The following FCSK variants were observed in gnomAD, a reference collection of about 807,000 sequenced individuals.
FCSK encodes fucose kinase.
In FCSK, 123 loss-of-function variants were observed where a neutral mutation model predicts 122.5. The observed-to-expected ratio is 1.00, with a 90% CI of 0.87 to 1.17. The LOEUF (loss-of-function observed/expected upper bound fraction) is 1.17. Ranked by LOEUF, FCSK falls within the 50% of genes most tolerant of loss-of-function variation. The probability of loss-of-function intolerance (pLI) is 0.00; values close to 1 mark genes in which losing one functional copy is unlikely to be tolerated. For missense variants in FCSK, 1,366 were observed against 1,450.4 expected, an observed-to-expected ratio of 0.94 and a Z score of 0.95; for synonymous variants, 620 against 625.5, an observed-to-expected ratio of 0.99 and a Z score of 0.13.
chr16:70,473,197 G>C lies in FCSK; in HGVS notation c.1621G>C (p.Ala541Pro). The C allele has an allele frequency of 6.5e-7, 1 of 1,538,182 alleles. No homozygotes were observed. The highest frequency in any genetic ancestry group is 8.7e-7 in the Non-Finnish European group (1 of 1,146,324). Residue 541 changes from alanine (A) to proline (P), a missense_variant, in exon 15 of 24, where the codon GCC (alanine) becomes CCC (proline). Physicochemically the swap from Ala to Pro is conservative, Grantham distance 27. Transcript: ENST00000288078. The surrounding 1 kb of genome is among the most constrained non-coding windows in gnomAD (Gnocchi z 4.9). ...EQLQPCLDRA[A>P]TLASRRDLFF... ...GCTGCAGCCGTGCCTGGATCGGGCT[G>C]CCACGCTGGCCTCTCGCCGGGACCT...
chr16:70,459,805 C>CT (rs138503014), intron 1 of FCSK, among the ~76,000 whole-genome samples: 135 of 144,198 alleles, frequency 9.4e-4, no homozygotes, highest in Middle Eastern at 3.6e-3. Flanking sequence ...GTTTCTTCAT[C>CT]TTTTTTTTTT....
rs533504263 is a variant in FCSK at position 70,475,302 on chromosome 16, G to A, written c.2378-48G>A. The A allele has an allele frequency of 6.1e-5, 97 of 1,599,764 alleles. No individual in the cohort carries two copies. The East Asian group carries it at 8.5e-4, about 14-fold the overall frequency. On this transcript the variant is annotated intron_variant, in intron 18 of 23. Coordinates refer to ENST00000288078, the MANE Select transcript of FCSK (RefSeq NM_145059.3). ...AAGTCCAGGGTGGGTGGGTGCCTGC[G>A]TCTGCCCATCGAGACTGAATTCCTT...
At position 70,474,679 on chromosome 16, in the gene FCSK, C is replaced by A; in HGVS notation, c.2140C>A (p.Arg714Ser). The stretch of plus-strand genomic sequence containing the variant: ...GTGGGTGGTGGCTGAGTGCCCGGCC[C>A]GTGTGGATTTCTCTGGTGAGCCCCT... ...GQWVVAECPARVDFSGGWSDT... is the reference protein window; with the variant it reads ...GQWVVAECPASVDFSGGWSDT... The change falls in exon 17 of 24, where the codon CGT (arginine) becomes AGT (serine). Residue 714 changes from arginine (R) to serine (S), a missense_variant. Transcript: ENST00000288078. 1.2e-6 allele frequency: 2 copies of A among 1,601,076 alleles called. No homozygotes were observed. Among genetic ancestry groups the A allele is most frequent in the Non-Finnish European group, 8.5e-7 (1 of 1,174,440 alleles).
rs1197549366 is a variant in FCSK, at chr16:70,471,306, C to T, written c.1295C>T (p.Ser432Phe). The T allele has an allele frequency of 1.9e-6, 3 of 1,601,776 alleles. No homozygotes were observed. Among genetic ancestry groups the T allele is most frequent in the Middle Eastern group, 1.7e-4 (1 of 6,028 alleles). The change falls in exon 13 of 24, where the codon TCC becomes TTC. Residue 432 changes from serine to phenylalanine, a missense_variant. Ser to Phe is a radical substitution (Grantham distance 155, BLOSUM62 -2). Coordinates refer to ENST00000288078, the MANE Select transcript of FCSK (RefSeq NM_145059.3). Reference sequence around the variant, plus strand: ...GGACACCACACGCGGCTACACGGCTCCCCGGGCCACGCCTTCACCCTCGTT... The same window carrying T: ...GGACACCACACGCGGCTACACGGCTTCCCGGGCCACGCCTTCACCCTCGTT... ...LQGHHTRLHG[S>F]PGHAFTLVGR...
chr16:70,465,233 T>C (rs908233251), intron 4 of FCSK, 57 bp downstream of exon 4: 1 of 1,539,558 alleles, frequency 6.5e-7, no homozygotes, highest in Non-Finnish European at 8.9e-7. Context: ...GTTCGTGGAG[T>C]TGAGCAGGAC....
rs777994978 is a variant in FCSK at position 70,463,294 on chromosome 16, C to A, written c.82+22C>A. The stretch of plus-strand genomic sequence containing the variant: ...AGAGGTAGGGGACTCCCCTTCCCAC[C>A]TTGCCCCTAATGGAGAACCTCCCTC... On this transcript the variant is annotated intron_variant, in intron 2 of 23. Transcript: ENST00000288078. The A allele has an allele frequency of 1.9e-6, 3 of 1,597,504 alleles. No homozygotes were observed. In the Middle Eastern group the frequency reaches 5.0e-4, roughly 266 times the overall value.
chr16:70,463,276 G>C lies in FCSK; in HGVS notation c.82+4G>C. 6.2e-7 allele frequency: 1 copy of C among 1,611,732 alleles called. No individual in the cohort carries two copies. The highest frequency in any genetic ancestry group is 1.1e-5 in the South Asian group (1 of 90,998). ...AGTGTCCAGGTCTTTCAGAGAGGTA[G>C]GGGACTCCCCTTCCCACCTTGCCCC... On this transcript the variant is annotated splice_donor_region_variant and intron_variant, in intron 2 of 23. Coordinates refer to ENST00000288078, the MANE Select transcript of FCSK (RefSeq NM_145059.3).
At position 70,463,676 on chromosome 16, in the gene FCSK, G is replaced by T; in HGVS notation, c.136G>T (p.Ala46Ser). ...GATCCCTGCTGGGACGCTGTTACTG[G>T]CCGTGGAGGACCCAGAGAAGCGTGT... ...EQIPAGTLLLAVEDPEKRVGS... is the reference protein window; with the variant it reads ...EQIPAGTLLLSVEDPEKRVGS... Residue 46 changes from alanine to serine, a missense_variant, in exon 3 of 24, where the codon GCC becomes TCC. Transcript: ENST00000288078. 1 of 1,613,260 alleles carries T rather than the reference G, an allele frequency of 6.2e-7. No homozygotes were observed. The highest frequency in any genetic ancestry group is 8.5e-7 in the Non-Finnish European group (1 of 1,180,006).
At chr16:70,455,613 C>T (rs1279914616) in intron 1 of FCSK, among the ~76,000 whole-genome samples, 1 of 151,158 alleles carries the variant, frequency 6.6e-6, no homozygotes, top group African/African-American at 2.4e-5. Flanking sequence ...AAAAAAAGGC[C>T]GGGCGAGGTG....
intron 9 of FCSK, 42 bp downstream of exon 9, chr16:70,469,010 C>T (rs1203092195): frequency 6.2e-6 from 10 of 1,609,164 alleles, no homozygotes; most frequent in Admixed American, 3.3e-5. Context: ...GGCTTGGGGG[C>T]GAGGCACTGT....
chr16:70,469,435 A>T, intron 10 of FCSK, 112 bp downstream of exon 10: 1 of 1,011,038 alleles, frequency 9.9e-7, no homozygotes, highest in Non-Finnish European at 1.4e-6. Context: ...GGGACTGGGC[A>T]GTTCTCCTGT....
At chr16:70,456,528 G>A (rs1039681578) in intron 1 of FCSK, among the ~76,000 whole-genome samples, 2 of 152,182 alleles carry the variant, frequency 1.3e-5, no homozygotes, top group African/African-American at 4.8e-5. Flanking sequence ...TTAACTCAGA[G>A]AATGTTTGAG....
rs2048889099 is a variant in FCSK at position 70,478,560 on chromosome 16, A to G, written c.2839A>G (p.Arg947Gly). The G allele has an allele frequency of 6.2e-7, 1 of 1,613,630 alleles. No individual in the cohort carries two copies. The highest frequency in any genetic ancestry group is 1.3e-5 in the African/African-American group (1 of 74,940). ...LARNLLQDVL[R>G]SWYARLPAVV... ...CCTGCCCCGTCCGCAGGATGTGCTGAGGAGCTGGTATGCCCGACTTCCTGC... is the reference window on the plus strand; with the variant it reads ...CCTGCCCCGTCCGCAGGATGTGCTGGGGAGCTGGTATGCCCGACTTCCTGC... The change falls in exon 22 of 24, where the codon AGG becomes GGG. Residue 947 changes from arginine (R) to glycine (G), a missense_variant. Coordinates refer to ENST00000288078, the MANE Select transcript of FCSK (RefSeq NM_145059.3).
rs17879654 is a variant in FCSK at position 70,472,895 on chromosome 16, C to A, written c.1407-88C>A. 4.0e-4 allele frequency: 588 copies of A among 1,461,322 alleles called. 2 individuals are homozygous for A. The African/African-American group carries it at 7.6e-3, about 19-fold the overall frequency. 90.5% of individuals were successfully genotyped at this position (1,461,322 alleles called of 1,614,324 possible). A position where few individuals can be genotyped will look rare whatever the true frequency, so the allele number is the denominator to read the frequency against. ...GCTACCTCGGAGGAGTCTGTCCTGT[C>A]CCCATGAACTGACAGGCGGCTCAGG... On this transcript the variant is annotated intron_variant, in intron 14 of 23. Coordinates refer to ENST00000288078, the MANE Select transcript of FCSK (RefSeq NM_145059.3).
intron 20 of FCSK, 31 bp downstream of exon 20, chr16:70,475,798 C>T: frequency 6.6e-7 from 1 of 1,525,912 alleles, no homozygotes; most frequent in Admixed American, 2.1e-5. Flanking sequence ...TGGAGGAGGT[C>T]ACTGACACTT....
chr16:70,479,210 C>T lies in FCSK; in HGVS notation c.2960C>T (p.Thr987Ile), dbSNP rs764333932. 2 of 1,613,540 alleles carry T rather than the reference C, an allele frequency of 1.2e-6. No individual in the cohort carries two copies. The highest frequency in any genetic ancestry group is 1.7e-4 in the Middle Eastern group (1 of 5,996). ...CTGCCTCTGCTGGGCCAGTGCCTGA[C>T]CTCGTACTGGGAGCAGAAGAAGCTC... ...GSLPLLGQCL[T>I]SYWEQKKLMA... is the part of the protein sequence containing the mutation. Residue 987 changes from threonine to isoleucine, a missense_variant, in exon 23 of 24, where the codon ACC (threonine) becomes ATC (isoleucine). Transcript: ENST00000288078.
At chr16:70,459,415 T>C (rs1488676415) in intron 1 of FCSK, among the ~76,000 whole-genome samples, 1 of 151,526 alleles carries the variant, frequency 6.6e-6, no homozygotes, top group African/African-American at 2.4e-5. Context: ...CACATGCCTG[T>C]AATCCTAGCT....
chr16:70,473,011 C>T lies in FCSK; in HGVS notation c.1435C>T (p.Leu479=), dbSNP rs1341203768. 2 of 1,599,962 alleles carry T rather than the reference C, an allele frequency of 1.3e-6. No individual in the cohort carries two copies. The highest frequency in any genetic ancestry group is 2.3e-5 in the East Asian group (1 of 43,944). Residue 479 remains leucine (L), a synonymous_variant, in exon 15 of 24, where the codon CTG becomes TTG. Transcript: ENST00000288078. The surrounding 1 kb of genome is among the most constrained non-coding windows in gnomAD (Gnocchi z 4.9). ...CTGGGACCTGTGGGACCCTGAGACG[C>T]TGCCCGCAGAGTACTGCCTTCCCAG... is the stretch of plus-strand genomic sequence containing the variant. The part of the protein sequence containing the change: ...RAWDLWDPET[L]PAEYCLPSAR...
At chr16:70,479,019 C>G in intron 22 of FCSK, 161 bp from the exon 23 acceptor site, 1 of 654,994 alleles carries the variant, frequency 1.5e-6, no homozygotes, top group African/African-American at 1.8e-5. Context: ...GGTCCTCAGG[C>G]AGTCCTGGGA....
Sources: gnomAD v4.1 joint callset for allele counts (sites outside exome capture counted in the v4.1 genomes callset) on GRCh38, gnomAD v4.1.1 for gene constraint, Gnocchi (gnomAD v3.1) non-coding constraint, MANE v1.5 for transcripts, NCBI Gene and HGNC (gene_info 2026-07-23, HGNC 2026-07-21) for gene names.